Variants in SPAG16 observed in about 807,000 individuals in gnomAD.
SPAG16 encodes the protein sperm-associated antigen 16 protein.
In SPAG16, 86 loss-of-function variants were observed where a neutral mutation model predicts 80.4. That is an observed-to-expected ratio of 1.07 (90% CI 0.90 to 1.28). The LOEUF (loss-of-function observed/expected upper bound fraction) is 1.28. Among genes scored for constraint, SPAG16 ranks in the 50% most tolerant of loss-of-function variants. The pLI, the probability that SPAG16 is intolerant of heterozygous loss-of-function variation, is 0.00. For missense variants in SPAG16, 870 were observed against 765.3 expected, an observed-to-expected ratio of 1.14 and a Z score of -1.61; for synonymous variants, 294 against 265.9, an observed-to-expected ratio of 1.11 and a Z score of -1.03.
chr2:213,783,023 A>T (rs996840623), intron 10 of SPAG16, among the ~76,000 whole-genome samples: 1 of 149,102 alleles, frequency 6.7e-6, no homozygotes, highest in African/African-American at 2.5e-5. Context: ...CATTAGGTAT[A>T]TCTCCCAATG....
chr2:213,600,884 A>G (rs2061037391), intron 10 of SPAG16, among the ~76,000 whole-genome samples: 1 of 152,242 alleles, frequency 6.6e-6, no homozygotes, highest in African/African-American at 2.4e-5. Flanking sequence ...TAATTGATAA[A>G]AGGCAAATTA....
At chr2:213,818,264 A>G (rs2072689351) in intron 10 of SPAG16, among the ~76,000 whole-genome samples, 1 of 151,982 alleles carries the variant, frequency 6.6e-6, no homozygotes, top group African/African-American at 2.4e-5. Flanking sequence ...TACCTGGTAG[A>G]GTTTATCTCA....
At chr2:213,791,214 A>T (rs1209822645) in intron 10 of SPAG16, among the ~76,000 whole-genome samples, 1 of 152,026 alleles carries the variant, frequency 6.6e-6, no homozygotes, top group Admixed American at 6.6e-5. Context: ...TACAAATCCA[A>T]ACCTGGAATG....
At chr2:214,017,835 T>A (rs2047666418) in intron 13 of SPAG16, among the ~76,000 whole-genome samples, 1 of 152,208 alleles carries the variant, frequency 6.6e-6, no homozygotes, top group Non-Finnish European at 1.5e-5. Context: ...AATTAAAATG[T>A]ATATCACTAC....
At chr2:213,426,304 A>G (rs996793220) in intron 9 of SPAG16, among the ~76,000 whole-genome samples, 1 of 151,962 alleles carries the variant, frequency 6.6e-6, no homozygotes, top group African/African-American at 2.4e-5. Flanking sequence ...CACTCTTCTT[A>G]CTTTTTGGAT....
chr2:213,771,052 A>G (rs1377814175), intron 10 of SPAG16, among the ~76,000 whole-genome samples: 2 of 152,134 alleles, frequency 1.3e-5, no homozygotes, highest in East Asian at 1.9e-4. Context: ...GTCTTCCATA[A>G]TGGTTGAACT....
At chr2:213,458,431 G>C (rs2072162089) in intron 9 of SPAG16, among the ~76,000 whole-genome samples, 1 of 152,022 alleles carries the variant, frequency 6.6e-6, no homozygotes, top group Admixed American at 6.6e-5. Context: ...AAGTAGCTGG[G>C]CGTGGTGGTG....
intron 14 of SPAG16, among the ~76,000 whole-genome samples, chr2:214,124,330 C>G (rs968592532): frequency 5.3e-5 from 8 of 151,210 alleles, no homozygotes; most frequent in African/African-American, 1.9e-4. Context: ...TCTTCCAATA[C>G]AGTAAAATCT....
At chr2:214,022,715 G>GA (rs909580371) in intron 13 of SPAG16, among the ~76,000 whole-genome samples, 12 of 57,400 alleles carry the variant, frequency 2.1e-4, no homozygotes, top group Non-Finnish European at 2.5e-4. Context: ...GGGAAGGGAG[G>GA]AAAAAAAAGA....
intron 13 of SPAG16, among the ~76,000 whole-genome samples, chr2:214,063,517 C>A (rs903056900): frequency 1.3e-5 from 2 of 152,064 alleles, no homozygotes; most frequent in Non-Finnish European, 2.9e-5. Flanking sequence ...ATTACTAGTT[C>A]CCTCCAGCTT....
chr2:214,011,823 A>G (rs2047294962), intron 12 of SPAG16, among the ~76,000 whole-genome samples: 1 of 152,150 alleles, frequency 6.6e-6, no homozygotes, highest in African/African-American at 2.4e-5. Flanking sequence ...ATTTACATAC[A>G]TATTCATATA....
At chr2:213,588,839 A>AAAAAAAAC (rs2060574489) in intron 10 of SPAG16, among the ~76,000 whole-genome samples, 1 of 144,948 alleles carries the variant, frequency 6.9e-6, no homozygotes, top group African/African-American at 2.6e-5. Context: ...AAAAAAAAAA[A>AAAAAAAAC]AAAAGACTCC....
Position 213,816,550 on chromosome 2 carries a change from G to A in SPAG16, c.1071-45935G>A, listed in dbSNP as rs190440719. Among the ~76,000 whole-genome samples, 63 of 151,598 alleles carry A rather than the reference G, an allele frequency of 4.2e-4. 1 individual carries two copies. Among genetic ancestry groups the A allele is most frequent in the African/African-American group, 1.4e-3 (60 of 41,388 alleles). On this transcript the variant is annotated intron_variant, in intron 10 of 15. Transcript: ENST00000331683. ...ATTTGTAATAAAGTGCTAAATTTTC[G>A]GCATTAAAAGATGATAAATTATTAC...
In SPAG16 at chr2:214,234,468, T is replaced by A. The variant is rs556787278; in HGVS notation, c.1720+85202T>A. Among the ~76,000 whole-genome samples the A allele has an allele frequency of 8.5e-5, 13 of 152,304 alleles. No homozygotes were observed. The South Asian group carries it at 1.4e-3, about 17-fold the overall frequency. ...AGGTCTTTGAGGAATTACCACAATG[T>A]CTTCCACAATTGTTGAACTAATTGA... On this transcript the variant is annotated intron_variant, in intron 15 of 15. Coordinates refer to ENST00000331683, the MANE Select transcript of SPAG16 (RefSeq NM_024532.5).
Position 213,968,302 on chromosome 2 carries a change from G to T in SPAG16, c.1400+38157G>T, listed in dbSNP as rs1306331587. Among the ~76,000 whole-genome samples the T allele has an allele frequency of 3.3e-5, 5 of 152,086 alleles. No individual in the cohort carries two copies. In the East Asian group the frequency reaches 9.7e-4, roughly 30 times the overall value. On this transcript the variant is annotated intron_variant, in intron 12 of 15. Transcript: ENST00000331683. ...TATTTCTCCTGCCTCAGCCTCCCAA[G>T]CAGCTGGGATTACAGGCACCTGCCA...
At chr2:214,248,837 G>A (rs1178381787) in intron 15 of SPAG16, among the ~76,000 whole-genome samples, 1 of 152,108 alleles carries the variant, frequency 6.6e-6, no homozygotes. Context: ...GGTCTAGGAA[G>A]GACTCTCAGA....
intron 9 of SPAG16, among the ~76,000 whole-genome samples, chr2:213,435,384 G>A (rs543753836): frequency 6.6e-6 from 1 of 152,260 alleles, no homozygotes; most frequent in Admixed American, 6.5e-5. Flanking sequence ...CCTGGGAAAG[G>A]TGGGTGAGTG....
rs144229265 is a variant in SPAG16 at position 214,060,014 on chromosome 2, A to G, written c.1527+45937A>G. Among the ~76,000 whole-genome samples, 280 of 152,238 alleles carry G rather than the reference A, an allele frequency of 1.8e-3. 1 individual carries two copies. The highest frequency in any genetic ancestry group is 6.3e-3 in the African/African-American group (262 of 41,542). On this transcript the variant is annotated intron_variant, in intron 13 of 15. Transcript: ENST00000331683. ...GTATCACTCACAGGACCTGCGGGCA[A>G]TGCAGCCCAGTAATGCAGGTGAGTG...
At chr2:214,304,696 G>A (rs376228861) in intron 15 of SPAG16, among the ~76,000 whole-genome samples, 3 of 151,990 alleles carry the variant, frequency 2.0e-5, no homozygotes, top group East Asian at 1.9e-4. Flanking sequence ...GGGTCTCCCC[G>A]ACCAAGCTGG....
Sources: allele counts gnomAD v4.1 joint callset (sites outside exome capture counted in the v4.1 genomes callset), GRCh38; gene constraint gnomAD v4.1.1; transcripts MANE v1.5; gene names NCBI Gene and HGNC (gene_info 2026-07-23, HGNC 2026-07-21).